The following PELI2 variants were observed in gnomAD, a reference collection of about 807,000 sequenced individuals.
PELI2 encodes the protein E3 ubiquitin-protein ligase pellino homolog 2.
PELI2 carries 23 observed loss-of-function variants against 42.3 expected under a neutral mutation model. That is an observed-to-expected ratio of 0.54 (90% CI 0.39 to 0.77). PELI2 has a LOEUF of 0.77. Ranked by LOEUF, PELI2 falls within the 30% of genes least tolerant of loss-of-function variation. PELI2 has a pLI of 0.00. For missense variants in PELI2, 463 were observed against 553.2 expected (o/e 0.84, Z 1.64); for synonymous variants, 245 against 212.2 (o/e 1.15, Z -1.34).
chr14:56,289,392 T>A (rs1321588080), intron 4 of PELI2, among the ~76,000 whole-genome samples: 1 of 152,034 alleles, frequency 6.6e-6, no homozygotes, highest in Non-Finnish European at 1.5e-5. Flanking sequence ...CTTCCAGATG[T>A]CCCCTGCCAC....
intron 1 of PELI2, among the ~76,000 whole-genome samples, chr14:56,175,527 C>T (rs1278668829): frequency 1.3e-5 from 2 of 152,176 alleles, no homozygotes; most frequent in Non-Finnish European, 2.9e-5. Context: ...TGTAGCTTAA[C>T]CTAATTAGAA....
chr14:56,218,325 G>A (rs888529869), intron 2 of PELI2, among the ~76,000 whole-genome samples: 19 of 152,346 alleles, frequency 1.2e-4, no homozygotes, highest in African/African-American at 4.6e-4. Flanking sequence ...GACTAGTCTA[G>A]TGTTCAACAT....
intron 2 of PELI2, among the ~76,000 whole-genome samples, chr14:56,185,527 A>T (rs960712638): frequency 6.6e-6 from 1 of 152,216 alleles, no homozygotes; most frequent in Non-Finnish European, 1.5e-5. Context: ...CCTACTTATC[A>T]TCATTTCATT....
chr14:56,233,630 A>G (rs930811424), intron 2 of PELI2, among the ~76,000 whole-genome samples: 1 of 152,192 alleles, frequency 6.6e-6, no homozygotes, highest in African/African-American at 2.4e-5. Flanking sequence ...ACTTAAACGT[A>G]AGACCTAAAA....
intron 1 of PELI2, among the ~76,000 whole-genome samples, chr14:56,175,493 T>A (rs1885339729): frequency 6.6e-6 from 1 of 152,238 alleles, no homozygotes; most frequent in Non-Finnish European, 1.5e-5. Flanking sequence ...GTACTTGGCA[T>A]TATGAATATT....
chr14:56,186,098 G>A (rs1566626180), intron 2 of PELI2, among the ~76,000 whole-genome samples: 1 of 152,176 alleles, frequency 6.6e-6, no homozygotes, highest in Non-Finnish European at 1.5e-5. Flanking sequence ...AGTGAAAGGG[G>A]AATGGAGAAG....
chr14:56,133,178 T>C (rs1883559157), intron 1 of PELI2, among the ~76,000 whole-genome samples: 1 of 152,240 alleles, frequency 6.6e-6, no homozygotes, highest in Non-Finnish European at 1.5e-5. Flanking sequence ...ATAATATATG[T>C]GCTTCTTTTT....
rs138313859 is a variant in PELI2, at chr14:56,209,403, G to C, written c.207+30939G>C. 1.5e-3 allele frequency among the ~76,000 whole-genome samples: 232 copies of C among 152,218 alleles called. 1 individual carries two copies. The highest frequency in any genetic ancestry group is 5.4e-3 in the African/African-American group (224 of 41,522). ...TTCTTCATATACTTTCAACCCAATC[G>C]ATGTGTTGCAACAGACTCAGTGCAG... is the stretch of plus-strand genomic sequence containing the variant. On this transcript the variant is annotated intron_variant, in intron 2 of 5. Transcript: ENST00000267460.
intron 2 of PELI2, among the ~76,000 whole-genome samples, chr14:56,208,607 A>G (rs945299524): frequency 1.3e-5 from 2 of 152,212 alleles, no homozygotes; most frequent in Non-Finnish European, 2.9e-5. Flanking sequence ...AAGTATCTGC[A>G]GTGAAAAAAA....
In PELI2 at chr14:56,173,780, T is replaced by A. The variant is rs548686166; in HGVS notation, c.78-4555T>A. ...CCTGTGTACCTCCTACAAAATCACTTGCCATTGGATTTAGGACCTATCGAC... is the reference window on the plus strand; with the variant it reads ...CCTGTGTACCTCCTACAAAATCACTAGCCATTGGATTTAGGACCTATCGAC... On this transcript the variant is annotated intron_variant, in intron 1 of 5. Transcript: ENST00000267460. Among the ~76,000 whole-genome samples, 4 of 152,318 alleles carry A rather than the reference T, an allele frequency of 2.6e-5. 1 individual carries two copies. In the South Asian group the frequency reaches 8.3e-4, roughly 32 times the overall value.
intron 2 of PELI2, among the ~76,000 whole-genome samples, chr14:56,192,308 C>T (rs1345879807): frequency 6.6e-6 from 1 of 152,108 alleles, no homozygotes; most frequent in African/African-American, 2.4e-5. Context: ...TTTCTAAAGT[C>T]GAGTCGTGTT....
At chr14:56,211,244 C>T (rs764719575) in intron 2 of PELI2, among the ~76,000 whole-genome samples, 1 of 143,340 alleles carries the variant, frequency 7.0e-6, no homozygotes, top group Non-Finnish European at 1.6e-5. Flanking sequence ...TGTGAATGCC[C>T]CAATTGCACA....
At chr14:56,149,028 A>G (rs1884238241) in intron 1 of PELI2, among the ~76,000 whole-genome samples, 1 of 152,184 alleles carries the variant, frequency 6.6e-6, no homozygotes, top group Non-Finnish European at 1.5e-5. Context: ...GAGCTTCAGG[A>G]GAGAGGTCAC....
At chr14:56,187,909 C>A (rs1179720030) in intron 2 of PELI2, among the ~76,000 whole-genome samples, 1 of 152,236 alleles carries the variant, frequency 6.6e-6, no homozygotes, top group Non-Finnish European at 1.5e-5. Flanking sequence ...TCGCCGTGCT[C>A]TTCTCTGTGC....
intron 2 of PELI2, among the ~76,000 whole-genome samples, chr14:56,229,669 TA>T: frequency 6.6e-6 from 1 of 152,298 alleles, no homozygotes. Flanking sequence ...CTGAAAATTC[TA>T]AAAACCAGAG....
chr14:56,246,544 G>A (rs561766637), intron 2 of PELI2, among the ~76,000 whole-genome samples: 3 of 152,298 alleles, frequency 2.0e-5, no homozygotes, highest in Admixed American at 2.0e-4. Context: ...TTCAGGACAA[G>A]CGTGGTCTAC....
At chr14:56,170,475 T>C (rs1456711711) in intron 1 of PELI2, among the ~76,000 whole-genome samples, 2 of 152,218 alleles carry the variant, frequency 1.3e-5, no homozygotes, top group African/African-American at 2.4e-5. Flanking sequence ...GTCTTGAATT[T>C]AAAAACTGTC....
chr14:56,256,270 CAAATT>C (rs1458540479), intron 2 of PELI2, among the ~76,000 whole-genome samples: 2 of 151,644 alleles, frequency 1.3e-5, no homozygotes, highest in Non-Finnish European at 2.9e-5. Flanking sequence ...CTCCAAAACA[CAAATT>C]AAAAAAAAAT....
At chr14:56,240,420 G>C (rs938855784) in intron 2 of PELI2, among the ~76,000 whole-genome samples, 5 of 152,188 alleles carry the variant, frequency 3.3e-5, no homozygotes, top group African/African-American at 7.2e-5. Context: ...TGCCAAAAGT[G>C]AAAGTGTGAA....
Sources: gnomAD v4.1 joint callset for allele counts (sites outside exome capture counted in the v4.1 genomes callset) on GRCh38, gnomAD v4.1.1 for gene constraint, MANE v1.5 for transcripts, NCBI Gene and HGNC (gene_info 2026-07-23, HGNC 2026-07-21) for gene names.